ACSM2B: variants seen among roughly 807,000 people sequenced by gnomAD.
ACSM2B encodes the protein acyl-coenzyme A synthetase ACSM2B, mitochondrial.
ACSM2B carries 58 observed loss-of-function variants against 78.6 expected under a neutral mutation model. That is an observed-to-expected ratio of 0.74 (90% CI 0.60 to 0.92). The LOEUF (loss-of-function observed/expected upper bound fraction) is 0.92, where lower values mean the gene tolerates loss of function less well. ACSM2B is among the 40% of genes least tolerant of loss of function. The pLI, the probability that ACSM2B is intolerant of heterozygous loss-of-function variation, is 0.00. For synonymous variants in ACSM2B, 257 were observed against 256.8 expected, an observed-to-expected ratio of 1.00 and a Z score of -0.01; for missense variants, 688 against 711.2, an observed-to-expected ratio of 0.97 and a Z score of 0.37.
At position 20,540,737 on chromosome 16, in the gene ACSM2B, G is replaced by C; in HGVS notation, c.1546C>G (p.Leu516Val). 6.2e-7 allele frequency: 1 copy of C among 1,614,104 alleles called. No homozygotes were observed. The highest frequency in any genetic ancestry group is 8.5e-7 in the Non-Finnish European group (1 of 1,179,982). ...GTGAGCTGTTCTGGGTCATGGGATA[G>C]GAACTGCGAGGCCAGGATCACAAAT... is the stretch of plus-strand genomic sequence containing the variant. The part of the protein sequence containing the change: ...KAFVILASQF[L>V]SHDPEQLTKE... Residue 516 changes from leucine (L) to valine (V), a missense_variant, in exon 13 of 14, where the codon CTA (leucine) becomes GTA (valine). Coordinates refer to ENST00000329697, the MANE Select transcript of ACSM2B (RefSeq NM_001105069.2).
Position 20,542,953 on chromosome 16 carries a change from C to G in ACSM2B, c.1470G>C (p.Glu490Asp). Reference sequence around the variant, plus strand: ...GGTCTGGGCTGCTGATCACAGCCGTCTCAACCACAGCAGGGTGCTTCATCA... The same window carrying G: ...GGTCTGGGCTGCTGATCACAGCCGTGTCAACCACAGCAGGGTGCTTCATCA... Reference protein sequence around the residue: ...NALMKHPAVVETAVISSPDPV... With the variant: ...NALMKHPAVVDTAVISSPDPV... The change falls in exon 12 of 14, where the codon GAG becomes GAC. Residue 490 changes from glutamate (E) to aspartate (D), a missense_variant. By Grantham distance (45) the Glu-to-Asp change is conservative (BLOSUM62 2). Transcript: ENST00000329697. 3.1e-6 allele frequency: 5 copies of G among 1,613,760 alleles called. No homozygotes were observed. The highest frequency in any genetic ancestry group is 3.4e-6 in the Non-Finnish European group (4 of 1,179,854).
intron 1 of ACSM2B, among the ~76,000 whole-genome samples, chr16:20,569,991 C>T (rs2152149617): frequency 6.6e-6 from 1 of 151,906 alleles, no homozygotes; most frequent in East Asian, 1.9e-4. Flanking sequence ...GGTATACAAT[C>T]ATATTAACAG....
At chr16:20,559,562 C>A in intron 2 of ACSM2B, 115 bp from the exon 3 acceptor site, 1 of 1,381,272 alleles carries the variant, frequency 7.2e-7, no homozygotes, top group East Asian at 2.5e-5. Context: ...ATCTCAGCAC[C>A]TCCATACAAT....
intron 5 of ACSM2B, 100 bp downstream of exon 5, chr16:20,553,677 C>G (rs2152138229): frequency 2.0e-6 from 3 of 1,513,358 alleles, no homozygotes; most frequent in East Asian, 4.6e-5. Flanking sequence ...TTCTCAGAAC[C>G]ACAAGGTGGT....
chr16:20,552,096 A>T (rs187752654), intron 6 of ACSM2B, 48 bp downstream of exon 6: 1 of 1,545,770 alleles, frequency 6.5e-7, no homozygotes, highest in Admixed American at 2.0e-5. Context: ...AAGTGTGCAA[A>T]CCTCGGGCTC....
intron 10 of ACSM2B, chr16:20,544,825 A>G: frequency 9.9e-7 from 1 of 1,012,446 alleles, no homozygotes; most frequent in Non-Finnish European, 1.2e-6. Context: ...GATGATACCT[A>G]GGGGAGAGGG....
chr16:20,537,178 T>A lies in ACSM2B; in HGVS notation c.*80A>T. ...ATGTTCTTTCATAAAGAATCTCATATCATCATAGTAAGGCCAAGGGCCCAA... is the reference window on the plus strand; with the variant it reads ...ATGTTCTTTCATAAAGAATCTCATAACATCATAGTAAGGCCAAGGGCCCAA... On this transcript the variant is annotated 3_prime_UTR_variant, in exon 14 of 14. Transcript: ENST00000329697. The A allele has an allele frequency of 6.6e-7, 1 of 1,513,272 alleles. No homozygotes were observed. Among genetic ancestry groups the A allele is most frequent in the Non-Finnish European group, 9.1e-7 (1 of 1,098,526 alleles). The allele number at this position is 1,513,272 out of a possible 1,614,324, so 93.7% of individuals were successfully genotyped here. A position where few individuals can be genotyped will look rare whatever the true frequency, so the allele number is the denominator to read the frequency against.
At chr16:20,544,621 G>C in intron 10 of ACSM2B, 1 of 985,334 alleles carries the variant, frequency 1.0e-6, no homozygotes, top group South Asian at 4.7e-5. Flanking sequence ...CTTTCTAATG[G>C]TTGTGAGCTT....
chr16:20,571,196 A>C (rs905679177), intron 1 of ACSM2B, among the ~76,000 whole-genome samples: 19 of 151,822 alleles, frequency 1.3e-4, no homozygotes, highest in African/African-American at 4.6e-4. Flanking sequence ...CTTTTTGATG[A>C]AGGCATTTAA....
chr16:20,546,049 G>C (rs1262916803), intron 9 of ACSM2B, among the ~76,000 whole-genome samples: 1 of 152,112 alleles, frequency 6.6e-6, no homozygotes, highest in Non-Finnish European at 1.5e-5. Flanking sequence ...GAACTGAAAA[G>C]ATCGTTACCT....
rs778780934 is a variant in ACSM2B, at chr16:20,555,322, T to C, written c.543A>G (p.Leu181=). Residue 181 remains leucine (L), a synonymous_variant, in exon 4 of 14, where the codon CTA becomes CTG. Transcript: ENST00000329697. ...CATCGCAGCTTTTCTCAGACACCAG[T>C]AGCTTAATTCTCAGAGAAGGACATT... ...ASECPSLRIK[L]LVSEKSCDGW... 59 of 1,613,758 alleles carry C rather than the reference T, an allele frequency of 3.7e-5. No individual in the cohort carries two copies. Among genetic ancestry groups the C allele is most frequent in the Non-Finnish European group, 4.8e-5 (57 of 1,179,846 alleles).
At chr16:20,545,088 T>C (rs1201353592) in intron 10 of ACSM2B, 69 bp downstream of exon 10, 1 of 1,513,704 alleles carries the variant, frequency 6.6e-7, no homozygotes, top group Non-Finnish European at 8.9e-7. Flanking sequence ...AGAACATTTG[T>C]CCTCCCTCAT....
intron 10 of ACSM2B, chr16:20,544,912 T>G: frequency 8.8e-7 from 1 of 1,138,722 alleles, no homozygotes. Context: ...AGAGAGTTCT[T>G]GAGGAGTCTA....
chr16:20,538,481 T>G (rs1368434095), intron 13 of ACSM2B, among the ~76,000 whole-genome samples: 1 of 152,150 alleles, frequency 6.6e-6, no homozygotes, highest in Non-Finnish European at 1.5e-5. Flanking sequence ...AGAGAGTGGA[T>G]GAAAGCCACA....
At chr16:20,550,865 C>A (rs530878825) in intron 6 of ACSM2B, among the ~76,000 whole-genome samples, 4 of 152,130 alleles carry the variant, frequency 2.6e-5, no homozygotes. Context: ...GCTGTACCAT[C>A]AAGTTCTATA....
intron 8 of ACSM2B, chr16:20,547,667 G>A (rs925942932): frequency 9.2e-7 from 1 of 1,087,480 alleles, no homozygotes; most frequent in African/African-American, 1.7e-5. Flanking sequence ...TTTGTACAGT[G>A]CTTGACATGT....
chr16:20,539,092 G>C (rs2014921247), intron 13 of ACSM2B, among the ~76,000 whole-genome samples: 1 of 150,956 alleles, frequency 6.6e-6, no homozygotes. Context: ...ACACTGAAAG[G>C]TTATACTAGC....
chr16:20,575,179 C>T (rs1003344148), intron 1 of ACSM2B, among the ~76,000 whole-genome samples: 4 of 151,510 alleles, frequency 2.6e-5, no homozygotes, highest in African/African-American at 4.9e-5. Flanking sequence ...CAAAAGAACT[C>T]CATCCTTAAT....
intron 1 of ACSM2B, among the ~76,000 whole-genome samples, chr16:20,567,040 G>A (rs931144953): frequency 2.3e-5 from 3 of 132,554 alleles, no homozygotes; most frequent in African/African-American, 5.5e-5. Flanking sequence ...AATTCACTCA[G>A]AGTCAGAACA....
Sources: gnomAD v4.1 joint callset for allele counts (sites outside exome capture counted in the v4.1 genomes callset) on GRCh38, gnomAD v4.1.1 for gene constraint, MANE v1.5 for transcripts, NCBI Gene and HGNC (gene_info 2026-07-23, HGNC 2026-07-21) for gene names.